The following NFATC2 variants were observed in gnomAD, a reference collection of about 807,000 sequenced individuals.
NFATC2 encodes nuclear factor of activated T-cells, cytoplasmic 2.
Under a neutral mutation model 87.3 loss-of-function variants are expected in NFATC2, and 22 were observed. The ratio of observed to expected loss-of-function variants is 0.25; its 90% CI spans 0.18 to 0.36. The LOEUF (loss-of-function observed/expected upper bound fraction) is 0.36. Ranked by LOEUF, NFATC2 falls within the 10% of genes least tolerant of loss-of-function variation. The pLI is 1.00. For missense variants in NFATC2, 1,149 were observed against 1,259.1 expected (o/e 0.91, Z 1.32); for synonymous variants, 565 against 542.2 (o/e 1.04, Z -0.58).
intron 5 of NFATC2, among the ~76,000 whole-genome samples, chr20:51,471,249 G>A (rs970923736): frequency 3.9e-5 from 6 of 152,124 alleles, no homozygotes. Flanking sequence ...TCCCCACCTT[G>A]CTACAAACCC....
intron 9 of NFATC2, among the ~76,000 whole-genome samples, chr20:51,418,959 C>T (rs771713455): frequency 2.0e-5 from 3 of 150,570 alleles, no homozygotes; most frequent in East Asian, 4.1e-4. Flanking sequence ...CCACCCCCAC[C>T]GCCCTAGGTT....
chr20:51,403,460 C>T (rs1988257542), intron 9 of NFATC2, among the ~76,000 whole-genome samples: 1 of 152,220 alleles, frequency 6.6e-6, no homozygotes, highest in South Asian at 2.1e-4. Flanking sequence ...ACCTTCACTC[C>T]TGATTCACCC....
chr20:51,555,787 G>A (rs968890620), intron 1 of NFATC2, among the ~76,000 whole-genome samples: 3 of 151,934 alleles, frequency 2.0e-5, no homozygotes, highest in Admixed American at 6.6e-5. Flanking sequence ...TCTTTCAGGC[G>A]GATTCCTCAC....
chr20:51,472,034 T>C (rs1352938432), intron 5 of NFATC2, among the ~76,000 whole-genome samples: 5 of 152,132 alleles, frequency 3.3e-5, no homozygotes, highest in Non-Finnish European at 2.9e-5. Flanking sequence ...GGGTGGATCA[T>C]CTGAGGTCAG....
rs374887079 is a variant in NFATC2, at chr20:51,510,795, G to C, written c.1332+5989C>G. On this transcript the variant is annotated intron_variant, in intron 3 of 10. Transcript: ENST00000371564. ...AGCCACCACACTCACCTGAGATTTA[G>C]GGTTTTATAAGAGAAACTACCTCGA... Among the ~76,000 whole-genome samples, 4 of 152,198 alleles carry C rather than the reference G, an allele frequency of 2.6e-5. No homozygotes were observed. In the South Asian group the frequency reaches 8.3e-4, roughly 32 times the overall value.
In NFATC2 at chr20:51,519,914, T is replaced by TAA. The variant is rs764620449; in HGVS notation, c.1161-2961_1161-2960dup. Among the ~76,000 whole-genome samples, 795 of 128,468 alleles carry TAA rather than the reference T, an allele frequency of 6.2e-3. 13 individuals are homozygous for TAA. Among genetic ancestry groups the TAA allele is most frequent in the African/African-American group, 0.022 (760 of 34,738 alleles). 84.3% of individuals were successfully genotyped at this position (128,468 alleles called of 152,430 possible). ...CTGGGTGACAGAGCGAGACTCCATC[T>TAA]AAAAAAAAAAAAAAAAGAACAAAAA... On this transcript the variant is annotated intron_variant, in intron 2 of 10. Transcript: ENST00000371564.
chr20:51,449,962 G>T (rs1206932374), intron 6 of NFATC2, among the ~76,000 whole-genome samples: 1 of 151,812 alleles, frequency 6.6e-6, no homozygotes, highest in Non-Finnish European at 1.5e-5. Context: ...ATGTCTCTTG[G>T]TTCCATGAGA....
At chr20:51,511,442 T>C (rs1001262160) in intron 3 of NFATC2, among the ~76,000 whole-genome samples, 11 of 152,210 alleles carry the variant, frequency 7.2e-5, no homozygotes, top group African/African-American at 2.7e-4. Flanking sequence ...TGAGAGCAAG[T>C]TGAGGACTTT....
At position 51,407,051 on chromosome 20, in the gene NFATC2, G is replaced by A. The variant is rs558795927; in HGVS notation, c.2723-8321C>T. Reference sequence around the variant, plus strand: ...GTCTTCCTTAGTATACGCTATTCACGTCAAGCCTGCTCACGCCCCAGGGCC... The same window carrying A: ...GTCTTCCTTAGTATACGCTATTCACATCAAGCCTGCTCACGCCCCAGGGCC... On this transcript the variant is annotated intron_variant, in intron 9 of 10. Coordinates refer to ENST00000371564, the MANE Select transcript of NFATC2 (RefSeq NM_012340.5). Among the ~76,000 whole-genome samples the A allele has an allele frequency of 1.1e-4, 16 of 152,314 alleles. No individual in the cohort carries two copies. The South Asian group carries it at 2.7e-3, about 26-fold the overall frequency.
rs552141847 is a variant in NFATC2 at position 51,454,646 on chromosome 20, T to G, written c.1751A>C (p.Asp584Ala). 1.1e-5 allele frequency: 18 copies of G among 1,614,078 alleles called. No homozygotes were observed. The East Asian group carries it at 1.3e-4, about 12-fold the overall frequency. ...AHELPMVERQ[D>A]TDSCLVYGGQ... ...GCCATAGACCAGGCAGCTGTCTGTGTCTTGTCTTTCAACCATGGGCAGCTC... is the reference window on the plus strand; with the variant it reads ...GCCATAGACCAGGCAGCTGTCTGTGGCTTGTCTTTCAACCATGGGCAGCTC... The change falls in exon 6 of 11, where the codon GAC (aspartate) becomes GCC (alanine). Residue 584 changes from aspartate to alanine, a missense_variant. Asp to Ala is a moderately radical substitution (Grantham distance 126, BLOSUM62 -2). Transcript: ENST00000371564.
upstream of NFATC2, among the ~76,000 whole-genome samples, chr20:51,543,227 C>T (rs145763300): frequency 6.6e-6 from 1 of 152,290 alleles, no homozygotes; most frequent in East Asian, 1.9e-4. Flanking sequence ...AGCACTAGTC[C>T]CCCCCGTTAC....
intron 9 of NFATC2, among the ~76,000 whole-genome samples, chr20:51,422,100 A>G (rs1042277293): frequency 4.6e-5 from 7 of 152,158 alleles, no homozygotes; most frequent in Non-Finnish European, 7.3e-5. Context: ...CTTTCCTGGG[A>G]TAGTGGAACT....
intron 1 of NFATC2, among the ~76,000 whole-genome samples, chr20:51,534,401 C>A (rs1008444216): frequency 6.6e-6 from 1 of 152,246 alleles, no homozygotes; most frequent in Non-Finnish European, 1.5e-5. Context: ...GTGGCGCAAT[C>A]TCAGCTCACT....
At chr20:51,481,015 G>T (rs766040270) in intron 3 of NFATC2, among the ~76,000 whole-genome samples, 26 of 152,158 alleles carry the variant, frequency 1.7e-4, no homozygotes, top group Non-Finnish European at 3.5e-4. Flanking sequence ...AGTGTCAGAG[G>T]AAAGAGGGGC....
intron 3 of NFATC2, among the ~76,000 whole-genome samples, chr20:51,495,748 C>T (rs1301719996): frequency 6.6e-6 from 1 of 152,086 alleles, no homozygotes; most frequent in Admixed American, 6.6e-5. Flanking sequence ...ACATGCACAC[C>T]CCCAGGTGTA....
intron 9 of NFATC2, among the ~76,000 whole-genome samples, chr20:51,411,516 CTTTTTTTTTT>C (rs67935951): frequency 2.5e-4 from 22 of 87,248 alleles, no homozygotes; most frequent in South Asian, 4.5e-4. Context: ...ATGCAATTGT[CTTTTTTTTTT>C]TTTTTTTTTT....
intron 9 of NFATC2, among the ~76,000 whole-genome samples, chr20:51,420,877 T>C (rs1980788728): frequency 6.6e-6 from 1 of 151,976 alleles, no homozygotes; most frequent in South Asian, 2.1e-4. Flanking sequence ...CACGAAATTA[T>C]AGGATGTCTA....
At chr20:51,428,767 C>T (rs1385385205) in intron 9 of NFATC2, among the ~76,000 whole-genome samples, 2 of 152,146 alleles carry the variant, frequency 1.3e-5, no homozygotes, top group Admixed American at 6.5e-5. Flanking sequence ...AGCCACAGAA[C>T]CTTCCCTCAA....
intron 3 of NFATC2, among the ~76,000 whole-genome samples, chr20:51,496,913 G>A (rs1355221078): frequency 6.6e-6 from 1 of 152,196 alleles, no homozygotes; most frequent in Admixed American, 6.5e-5. Flanking sequence ...AGCATCTGTT[G>A]ACTGAATGGG....
Sources: allele counts gnomAD v4.1 joint callset (sites outside exome capture counted in the v4.1 genomes callset), GRCh38; gene constraint gnomAD v4.1.1; transcripts MANE v1.5; gene names NCBI Gene and HGNC (gene_info 2026-07-23, HGNC 2026-07-21).